The following STK32C variants were observed in gnomAD, a reference collection of about 807,000 sequenced individuals.
The protein encoded by STK32C is serine/threonine kinase 32C.
In STK32C, 31 loss-of-function variants were observed where a neutral mutation model predicts 56.5. That is an observed-to-expected ratio of 0.55 (90% CI 0.41 to 0.74). The LOEUF is 0.74. Ranked by LOEUF, STK32C falls within the 30% of genes least tolerant of loss-of-function variation. STK32C has a pLI of 0.00. For synonymous variants in STK32C, 309 were observed against 289.4 expected (o/e 1.07, Z -0.69); for missense variants, 544 against 676.9 (o/e 0.80, Z 2.18).
At chr10:132,250,400 C>T (rs2063858059) in intron 1 of STK32C, among the ~76,000 whole-genome samples, 1 of 29,332 alleles carries the variant, frequency 3.4e-5, no homozygotes, top group South Asian at 1.6e-3. Flanking sequence ...GGACAGGTCA[C>T]TGCAGAGAGG....
chr10:132,283,732 G>A (rs1564776302), intron 1 of STK32C, among the ~76,000 whole-genome samples: 1 of 152,180 alleles, frequency 6.6e-6, no homozygotes, highest in Non-Finnish European at 1.5e-5. Context: ...GAGGGAACAC[G>A]TGGTGCCATA....
intron 1 of STK32C, among the ~76,000 whole-genome samples, chr10:132,298,610 G>T (rs2065824707): frequency 6.6e-6 from 1 of 151,996 alleles, no homozygotes; most frequent in Non-Finnish European, 1.5e-5. Flanking sequence ...GGGAGGGAGG[G>T]GAGCGCCCTG....
intron 3 of STK32C, among the ~76,000 whole-genome samples, chr10:132,227,601 G>A (rs933219258): frequency 1.4e-5 from 2 of 146,716 alleles, no homozygotes; most frequent in African/African-American, 4.9e-5. Flanking sequence ...TGATGGTGGT[G>A]GTGATGGCGA....
At chr10:132,315,019 A>C (rs1309400538) in intron 1 of STK32C, among the ~76,000 whole-genome samples, 1 of 152,196 alleles carries the variant, frequency 6.6e-6, no homozygotes, top group African/African-American at 2.4e-5. Flanking sequence ...CTGTAATCCC[A>C]GCTACTTGGG....
upstream of STK32C, among the ~76,000 whole-genome samples, chr10:132,311,367 T>C (rs7894429): frequency 0.31 from 46,471 of 152,194 alleles, 7,763 homozygotes; most frequent in African/African-American, 0.41. The surrounding 1 kb of genome is among the most constrained non-coding windows in gnomAD (Gnocchi z 4.4). Flanking sequence ...TCCACCTATG[T>C]GGAGAATCCA....
upstream of STK32C, chr10:132,308,015 A>T: frequency 8.9e-4 from 39 of 43,964 alleles, no homozygotes; most frequent in Non-Finnish European, 1.1e-3. Flanking sequence ...GGCTTCTGGA[A>T]GGGGCGGGGG....
At chr10:132,214,136 C>T (rs890988172) in intron 10 of STK32C, among the ~76,000 whole-genome samples, 3 of 51,658 alleles carry the variant, frequency 5.8e-5, no homozygotes, top group Non-Finnish European at 1.3e-4. Context: ...TAATGACAGA[C>T]ACCAAACCAC....
chr10:132,230,683 G>GGGGA (rs1445537691), intron 2 of STK32C, among the ~76,000 whole-genome samples: 2 of 144,340 alleles, frequency 1.4e-5, no homozygotes, highest in East Asian at 4.4e-4. Flanking sequence ...AGCTGGCGGG[G>GGGGA]GGGGGGGGGC....
At chr10:132,331,866 T>A, upstream of STK32C, 3 of 1,347,410 alleles carry the variant, frequency 2.2e-6, no homozygotes, top group Non-Finnish European at 2.0e-6. Context: ...GTTGGCCGCG[T>A]GCGTGCGCAG....
At chr10:132,321,366 G>A (rs1365845453), downstream of STK32C, among the ~76,000 whole-genome samples, 2 of 152,162 alleles carry the variant, frequency 1.3e-5, no homozygotes, top group African/African-American at 4.8e-5. Context: ...CTAATTTTGG[G>A]ATGGTTTGTT....
intron 1 of STK32C, among the ~76,000 whole-genome samples, chr10:132,286,115 GACTC>G (rs1358053174): frequency 6.7e-6 from 1 of 149,508 alleles, no homozygotes; most frequent in Non-Finnish European, 1.5e-5. Context: ...GACGGAGCGA[GACTC>G]TGTCTCAAAA....
intron 1 of STK32C, among the ~76,000 whole-genome samples, chr10:132,304,954 C>T (rs2066013129): frequency 6.6e-6 from 1 of 152,270 alleles, no homozygotes; most frequent in Admixed American, 6.5e-5. Context: ...GACGGGCGAG[C>T]GCCCCCCAGG....
intron 2 of STK32C, among the ~76,000 whole-genome samples, chr10:132,232,718 A>AT (rs1427942878): frequency 2.6e-5 from 4 of 151,524 alleles, no homozygotes; most frequent in African/African-American, 9.7e-5. Flanking sequence ...AACGCCACTG[A>AT]TGGGGAGGCC....
At chr10:132,288,908 C>G (rs193087288) in intron 1 of STK32C, among the ~76,000 whole-genome samples, 1 of 152,144 alleles carries the variant, frequency 6.6e-6, no homozygotes, top group Non-Finnish European at 1.5e-5. Flanking sequence ...CTAACACAGT[C>G]TGAATCAACA....
intron 10 of STK32C, among the ~76,000 whole-genome samples, chr10:132,219,414 T>C (rs2062564253): frequency 6.6e-6 from 1 of 152,154 alleles, no homozygotes; most frequent in South Asian, 2.1e-4. Flanking sequence ...CAGAGCCTCC[T>C]GGGAACTCAG....
intron 1 of STK32C, among the ~76,000 whole-genome samples, chr10:132,268,805 G>T (rs577892842): frequency 6.7e-6 from 1 of 149,620 alleles, no homozygotes; most frequent in Admixed American, 6.7e-5. Flanking sequence ...TCGTGTGTGT[G>T]TGTGTCGGTG....
In STK32C at chr10:132,307,619, A is replaced by G. The variant is rs764880634; in HGVS notation, c.215T>C (p.Met72Thr). 3 of 1,560,278 alleles carry G rather than the reference A, an allele frequency of 1.9e-6. No homozygotes were observed. The highest frequency in any genetic ancestry group is 2.8e-5 in the African/African-American group (2 of 70,202). The part of the protein sequence containing the change: ...SKWKKRMGSS[M>T]SAATARRPVF... Reference sequence around the variant, plus strand: ...CGGCCTCCGCGCGGTGGCCGCCGACATGGACGAGCCCATCCTCTTCTTCCA... The same window carrying G: ...CGGCCTCCGCGCGGTGGCCGCCGACGTGGACGAGCCCATCCTCTTCTTCCA... Residue 72 changes from methionine (M) to threonine (T), a missense_variant, in exon 1 of 12, where the codon ATG becomes ACG. Met to Thr is a moderately conservative substitution (Grantham distance 81). Transcript: ENST00000298630. This position sits in a 1 kb window ranked among gnomAD's most constrained non-coding sequence, Gnocchi z 4.4.
intron 1 of STK32C, among the ~76,000 whole-genome samples, chr10:132,303,181 A>G (rs1016315049): frequency 6.6e-6 from 1 of 152,198 alleles, no homozygotes; most frequent in Non-Finnish European, 1.5e-5. Flanking sequence ...TCAGATCCCT[A>G]CAGGGGGAAA....
chr10:132,208,740 G>A (rs2062188252), intron 11 of STK32C, among the ~76,000 whole-genome samples: 1 of 151,864 alleles, frequency 6.6e-6, no homozygotes, highest in African/African-American at 2.4e-5. Flanking sequence ...GGGTGGGGGA[G>A]TTGACGTGGC....
Sources: allele counts gnomAD v4.1 joint callset (sites outside exome capture counted in the v4.1 genomes callset), GRCh38; gene constraint gnomAD v4.1.1; non-coding constraint Gnocchi (gnomAD v3.1); transcripts MANE v1.5; gene names NCBI Gene and HGNC (gene_info 2026-07-23, HGNC 2026-07-21).